SNUPN: variants seen among roughly 807,000 people sequenced by gnomAD.
SNUPN encodes snurportin-1.
Under a neutral mutation model 39.2 loss-of-function variants are expected in SNUPN, and 31 were observed. The observed-to-expected ratio is 0.79, with a 90% confidence interval of 0.59 to 1.07. The LOEUF is 1.07. Among genes scored for constraint, SNUPN ranks in the 50% least tolerant of loss-of-function variants. SNUPN has a pLI of 0.00. For missense variants in SNUPN, 382 were observed against 434.2 expected (o/e 0.88, Z 1.07); for synonymous variants, 132 against 159.0 (o/e 0.83, Z 1.28).
At chr15:75,622,399 G>A (rs903753204) in intron 1 of SNUPN, 36 of 985,250 alleles carry the variant, frequency 3.7e-5, no homozygotes, top group South Asian at 4.7e-5. Flanking sequence ...TGCTCCAGTA[G>A]TGTGAAGAAC....
At chr15:75,622,330 T>C (rs896164650) in intron 1 of SNUPN, 11 of 985,264 alleles carry the variant, frequency 1.1e-5, no homozygotes, top group Non-Finnish European at 1.3e-5. Flanking sequence ...GGGCTACTTA[T>C]GTGGGACTCA....
At chr15:75,604,094 T>C (rs56993051) in intron 7 of SNUPN, among the ~76,000 whole-genome samples, 3,962 of 151,670 alleles carry the variant, frequency 0.026, 154 homozygotes, top group African/African-American at 0.09. Context: ...TACATGATAA[T>C]AACATCACTG....
chr15:75,607,151 T>G lies in SNUPN; in HGVS notation c.600+65A>C. 17 of 1,191,708 alleles carry G rather than the reference T, an allele frequency of 1.4e-5. No individual in the cohort carries two copies. In the South Asian group the frequency reaches 1.9e-4, roughly 14 times the overall value. The allele number at this position is 1,191,708 out of a possible 1,614,324, so 73.8% of individuals were successfully genotyped here. A position where few individuals can be genotyped will look rare whatever the true frequency, so the allele number is the denominator to read the frequency against. On this transcript the variant is annotated intron_variant, in intron 6 of 8. Transcript: ENST00000308588. The stretch of plus-strand genomic sequence containing the variant: ...TTGGTCACATACCAAACCCACATGC[T>G]GAGCCGCTTTCCCAGGAGGAGAGGA...
At chr15:75,612,413 C>T (rs989686310) in intron 3 of SNUPN, among the ~76,000 whole-genome samples, 2 of 152,102 alleles carry the variant, frequency 1.3e-5, no homozygotes, top group Non-Finnish European at 2.9e-5. Context: ...TCCTGACATC[C>T]GTTCCCTTGG....
At chr15:75,609,379 C>T (rs1366409783) in intron 5 of SNUPN, among the ~76,000 whole-genome samples, 179 bp downstream of exon 5, 5 of 151,784 alleles carry the variant, frequency 3.3e-5, no homozygotes, top group African/African-American at 9.6e-5. Context: ...TTAGTAGAGA[C>T]GGGGTTTCAC....
At chr15:75,615,871 G>A (rs1892917574) in intron 3 of SNUPN, among the ~76,000 whole-genome samples, 1 of 151,846 alleles carries the variant, frequency 6.6e-6, no homozygotes, top group South Asian at 2.1e-4. Flanking sequence ...GCCTCCCAAA[G>A]TGCTGGGATT....
rs776842236 is a variant in SNUPN at position 75,598,517 on chromosome 15, C to A, written c.924G>T (p.Gln308His). 3.7e-6 allele frequency: 6 copies of A among 1,614,214 alleles called. No individual in the cohort carries two copies. In the Admixed American group the frequency reaches 1.0e-4, roughly 27 times the overall value. The change falls in exon 9 of 9, where the codon CAG becomes CAT. Residue 308 changes from glutamine to histidine, a missense_variant. By Grantham distance (24) the Gln-to-His change is conservative (BLOSUM62 0). Transcript: ENST00000308588. ...KPDYAGHQLQ[Q>H]IMEHKKSQKE... The stretch of plus-strand genomic sequence containing the variant: ...TCTGGCTCTTCTTGTGCTCCATAAT[C>A]TGCTGGAGCTGGTGCCCAGCATAGT...
At chr15:75,608,778 G>A (rs1395287473) in intron 5 of SNUPN, among the ~76,000 whole-genome samples, 1 of 152,192 alleles carries the variant, frequency 6.6e-6, no homozygotes, top group African/African-American at 2.4e-5. Context: ...TGCAACTGGG[G>A]ACGCTTGACC....
At chr15:75,600,280 G>GT (rs1312224462) in intron 8 of SNUPN, among the ~76,000 whole-genome samples, 2,278 of 140,660 alleles carry the variant, frequency 0.016, 32 homozygotes, top group African/African-American at 0.032. Flanking sequence ...TTTGTTTTTT[G>GT]TTTTTTTTTT....
chr15:75,611,684 G>A (rs377240505), intron 3 of SNUPN, among the ~76,000 whole-genome samples: 1 of 151,756 alleles, frequency 6.6e-6, no homozygotes. Context: ...GTGACAAGCC[G>A]TCTCTACTAA....
At chr15:75,625,537 G>A (rs1022078706) in intron 1 of SNUPN, 129 bp downstream of exon 1, 3 of 152,244 alleles carry the variant, frequency 2.0e-5, no homozygotes, top group African/African-American at 7.3e-5. Context: ...GGAGTCCCAG[G>A]CCTGGCTCTA....
intron 8 of SNUPN, among the ~76,000 whole-genome samples, chr15:75,599,836 A>AT (rs60918008): frequency 0.19 from 26,566 of 140,484 alleles, 3,205 homozygotes; most frequent in Non-Finnish European, 0.28. Context: ...GACTGGGCAG[A>AT]TTTTTTTTTT....
rs139633458 is a variant in SNUPN at position 75,609,932 on chromosome 15, G to A, written c.366C>T (p.Val122=). 3.7e-5 allele frequency: 60 copies of A among 1,613,878 alleles called. No homozygotes were observed. Among genetic ancestry groups the A allele is most frequent in the Middle Eastern group, 1.6e-4 (1 of 6,084 alleles). Residue 122 remains valine (V), a synonymous_variant, in exon 4 of 9, where the codon GTC becomes GTT. Transcript: ENST00000308588. ...PSDLGQEWIV[V]VCPVGKRALI... ...GGGCTCTTTTTCCAACAGGGCACAC[G>A]ACCACAATCCATTCCTGCCCCAAAT... is the stretch of plus-strand genomic sequence containing the variant.
intron 3 of SNUPN, among the ~76,000 whole-genome samples, chr15:75,613,187 A>G (rs1248847047): frequency 7.5e-6 from 1 of 133,280 alleles, no homozygotes; most frequent in East Asian, 2.5e-4. Context: ...TGAACCCGGG[A>G]GGCGGAGCTT....
At chr15:75,599,019 A>G (rs1595980156) in intron 8 of SNUPN, among the ~76,000 whole-genome samples, 1 of 151,878 alleles carries the variant, frequency 6.6e-6, no homozygotes, top group East Asian at 1.9e-4. Context: ...ATTCAAAAAA[A>G]TAGCCAGGCA....
chr15:75,605,439 T>A, intron 6 of SNUPN: 1 of 380,920 alleles, frequency 2.6e-6, no homozygotes. Flanking sequence ...TAGCTGGGAC[T>A]ACAGGCGCCC....
upstream of SNUPN, chr15:75,625,754 C>G (rs1275648490): frequency 6.6e-6 from 1 of 152,248 alleles, no homozygotes; most frequent in African/African-American, 2.4e-5. Context: ...TCCCCCCGCC[C>G]CCAGCTGCTG....
At chr15:75,613,375 T>C (rs1414834013) in intron 3 of SNUPN, among the ~76,000 whole-genome samples, 1 of 151,564 alleles carries the variant, frequency 6.6e-6, no homozygotes, top group Non-Finnish European at 1.5e-5. Flanking sequence ...CCAGGTGCAG[T>C]GGCTCACACC....
At chr15:75,605,479 T>C in intron 6 of SNUPN, 1 of 321,620 alleles carries the variant, frequency 3.1e-6, no homozygotes, top group Non-Finnish European at 5.9e-6. Context: ...TTTTGTATTT[T>C]TGGTAGAGAC....
Sources: gnomAD v4.1 joint callset for allele counts (sites outside exome capture counted in the v4.1 genomes callset) on GRCh38, gnomAD v4.1.1 for gene constraint, MANE v1.5 for transcripts, NCBI Gene and HGNC (gene_info 2026-07-23, HGNC 2026-07-21) for gene names.